The following TLE1 variants were observed in gnomAD, a reference collection of about 807,000 sequenced individuals.
TLE1 encodes TLE family member 1, transcriptional corepressor.
TLE1 carries 21 observed loss-of-function variants against 89.8 expected under a neutral mutation model. The observed-to-expected ratio is 0.23, with a 90% confidence interval of 0.17 to 0.34. The LOEUF (loss-of-function observed/expected upper bound fraction) is 0.34. Among genes scored for constraint, TLE1 ranks in the 10% least tolerant of loss-of-function variants. TLE1 has a pLI of 1.00. For missense variants in TLE1, 795 were observed against 1,031.2 expected (o/e 0.77, Z 3.14); for synonymous variants, 447 against 407.6 (o/e 1.10, Z -1.16).
At chr9:81,668,491 C>T (rs1188991753) in intron 4 of TLE1, among the ~76,000 whole-genome samples, 3 of 152,000 alleles carry the variant, frequency 2.0e-5, no homozygotes, top group Non-Finnish European at 2.9e-5. Context: ...ACAGGAATAA[C>T]ATTTTAAATA....
intron 7 of TLE1, chr9:81,633,616 C>T (rs1038126305): frequency 1.1e-5 from 6 of 558,752 alleles, no homozygotes; most frequent in Middle Eastern, 4.9e-4. Flanking sequence ...GAATAAATTA[C>T]TTTTCTTCAA....
chr9:81,626,513 C>T (rs1360415669), intron 8 of TLE1, among the ~76,000 whole-genome samples: 3 of 152,196 alleles, frequency 2.0e-5, no homozygotes, highest in Admixed American at 2.0e-4. Context: ...CACTTGTTAA[C>T]AACATGGACA....
intron 12 of TLE1, chr9:81,612,419 G>GTAAAC (rs1384300835): frequency 1.1e-6 from 1 of 947,540 alleles, no homozygotes; most frequent in African/African-American, 1.8e-5. Flanking sequence ...CCAAAGCACG[G>GTAAAC]GTTTAGGAGG....
intron 8 of TLE1, among the ~76,000 whole-genome samples, chr9:81,629,689 T>A (rs1217154123): frequency 6.6e-6 from 1 of 152,228 alleles, no homozygotes; most frequent in Admixed American, 6.5e-5. Context: ...ACACCTAGGC[T>A]ACTGCTCCTA....
At chr9:81,651,298 T>G (rs1829498244) in intron 6 of TLE1, among the ~76,000 whole-genome samples, 1 of 152,118 alleles carries the variant, frequency 6.6e-6, no homozygotes, top group African/African-American at 2.4e-5. Flanking sequence ...TGGCTTAGTG[T>G]GGAAGGGGAC....
intron 14 of TLE1, among the ~76,000 whole-genome samples, chr9:81,606,164 C>G (rs815852): frequency 0.22 from 33,666 of 152,138 alleles, 4,218 homozygotes; most frequent in Middle Eastern, 0.29. Flanking sequence ...CACTTTTACA[C>G]TGTTGATGGG....
chr9:81,684,769 A>G (rs1834054310), intron 4 of TLE1, among the ~76,000 whole-genome samples: 1 of 152,186 alleles, frequency 6.6e-6, no homozygotes, highest in Non-Finnish European at 1.5e-5. Context: ...GATTTCTAAA[A>G]GACTTATTGT....
intron 4 of TLE1, among the ~76,000 whole-genome samples, chr9:81,662,337 G>A (rs942475089): frequency 1.4e-5 from 2 of 147,572 alleles, no homozygotes; most frequent in South Asian, 2.1e-4. Flanking sequence ...CAGGAGACAC[G>A]GTGTTAGTAT....
chr9:81,607,881 TC>T, intron 14 of TLE1, among the ~76,000 whole-genome samples: 2 of 152,306 alleles, frequency 1.3e-5, no homozygotes, highest in Admixed American at 1.3e-4. Context: ...CATCATAAAT[TC>T]CTAACATTGC....
At chr9:81,684,649 G>C (rs1179859547) in intron 4 of TLE1, among the ~76,000 whole-genome samples, 1 of 152,308 alleles carries the variant, frequency 6.6e-6, no homozygotes, top group South Asian at 2.1e-4. Flanking sequence ...AATGAAACAA[G>C]GGTTTGAGAT....
At chr9:81,673,622 C>T (rs548660517) in intron 4 of TLE1, among the ~76,000 whole-genome samples, 6 of 152,174 alleles carry the variant, frequency 3.9e-5, no homozygotes, top group Admixed American at 6.6e-5. Context: ...TACTGTCATC[C>T]CCTAATCCCA....
In TLE1 at chr9:81,583,918, T is replaced by C. The variant is rs1827990338; in HGVS notation, c.*280A>G. 2.6e-6 allele frequency: 1 copy of C among 389,726 alleles called. No individual in the cohort carries two copies. The highest frequency in any genetic ancestry group is 4.7e-6 in the Non-Finnish European group (1 of 211,732). 24.1% of individuals were successfully genotyped at this position (389,726 alleles called of 1,614,324 possible). On this transcript the variant is annotated 3_prime_UTR_variant, in exon 20 of 20. Transcript: ENST00000376499. The stretch of plus-strand genomic sequence containing the variant: ...CCCCAGATCACCCAGAAAGAAAGAA[T>C]GGGCTGTCATGTGAGTCGGCAGATT...
intron 17 of TLE1, among the ~76,000 whole-genome samples, chr9:81,587,454 C>T (rs936557498): frequency 5.3e-5 from 8 of 152,152 alleles, no homozygotes; most frequent in Admixed American, 1.3e-4. Context: ...AGAGAACACA[C>T]CTTAACCTAC....
At chr9:81,634,430 G>T (rs1827113490) in intron 6 of TLE1, 129 bp from the exon 7 acceptor site, 1 of 709,922 alleles carries the variant, frequency 1.4e-6, no homozygotes, top group Non-Finnish European at 2.1e-6. Flanking sequence ...CAGAACAGGA[G>T]GTTCAACAAA....
intron 4 of TLE1, among the ~76,000 whole-genome samples, chr9:81,671,099 C>A (rs1024264537): frequency 7.9e-5 from 12 of 152,078 alleles, no homozygotes; most frequent in African/African-American, 2.9e-4. Flanking sequence ...ACCTGGGAGG[C>A]AATGACTGCG....
intron 16 of TLE1, among the ~76,000 whole-genome samples, chr9:81,590,531 A>G (rs1829331781): frequency 6.6e-6 from 1 of 152,230 alleles, no homozygotes; most frequent in African/African-American, 2.4e-5. Flanking sequence ...AAAAGCCAGA[A>G]ATATTTTTAG....
chr9:81,678,139 AGGG>A (rs1384850431), intron 4 of TLE1, among the ~76,000 whole-genome samples: 2 of 152,178 alleles, frequency 1.3e-5, no homozygotes, highest in African/African-American at 4.8e-5. Flanking sequence ...CTTACAGGGG[AGGG>A]GATAAACAAT....
intron 14 of TLE1, among the ~76,000 whole-genome samples, chr9:81,605,930 A>C: frequency 6.6e-6 from 1 of 152,212 alleles, no homozygotes; most frequent in Admixed American, 6.5e-5. Flanking sequence ...ATTTACAAGA[A>C]AAAAACAACC....
Position 81,583,695 on chromosome 9 carries a change from A to C in TLE1, c.*503T>G, listed in dbSNP as rs994214135. 6 of 154,686 alleles carry C rather than the reference A, an allele frequency of 3.9e-5. No homozygotes were observed. The highest frequency in any genetic ancestry group is 1.4e-4 in the African/African-American group (6 of 41,482). 9.6% of individuals were successfully genotyped at this position (154,686 alleles called of 1,614,324 possible). A position where few individuals can be genotyped will look rare whatever the true frequency, so the allele number is the denominator to read the frequency against. ...AAAGGAAAACCACTTATTGGTACTAAAGCCTTTACTGTAATAAACCAAATA... is the reference window on the plus strand; with the variant it reads ...AAAGGAAAACCACTTATTGGTACTACAGCCTTTACTGTAATAAACCAAATA... On this transcript the variant is annotated 3_prime_UTR_variant, in exon 20 of 20. Coordinates refer to ENST00000376499, the MANE Select transcript of TLE1 (RefSeq NM_005077.5).
Sources: gnomAD v4.1 joint callset for allele counts (sites outside exome capture counted in the v4.1 genomes callset) on GRCh38, gnomAD v4.1.1 for gene constraint, MANE v1.5 for transcripts, NCBI Gene and HGNC (gene_info 2026-07-23, HGNC 2026-07-21) for gene names.